Variants in TRPM8 observed in about 807,000 individuals in gnomAD.
TRPM8 encodes TRPM8 cationic channel.
TRPM8 carries 110 observed loss-of-function variants against 133.7 expected under a neutral mutation model. The ratio of observed to expected loss-of-function variants is 0.82; its 90% CI spans 0.70 to 0.96. TRPM8 has a LOEUF of 0.96. Among genes scored for constraint, TRPM8 ranks in the 40% least tolerant of loss-of-function variants. TRPM8 has a pLI of 0.00. For synonymous variants in TRPM8, 535 were observed against 532.3 expected (o/e 1.01, Z -0.07); for missense variants, 1,291 against 1,379.5 (o/e 0.94, Z 1.02).
At chr2:233,956,453 A>G (rs1691295949) in intron 11 of TRPM8, among the ~76,000 whole-genome samples, 1 of 152,214 alleles carries the variant, frequency 6.6e-6, no homozygotes, top group Non-Finnish European at 1.5e-5. Context: ...AGCCTTGTTC[A>G]ATGAAAATTA....
intron 9 of TRPM8, among the ~76,000 whole-genome samples, chr2:233,952,975 T>A (rs893484540): frequency 6.6e-6 from 1 of 152,160 alleles, no homozygotes; most frequent in Non-Finnish European, 1.5e-5. Flanking sequence ...GAACAAAGGC[T>A]GCAGACAGAT....
chr2:234,015,144 T>C (rs1344997314), intron 25 of TRPM8, among the ~76,000 whole-genome samples: 2 of 152,330 alleles, frequency 1.3e-5, no homozygotes, highest in East Asian at 3.9e-4. Flanking sequence ...TGGTGAGGCA[T>C]TCAAGGTTTT....
intron 22 of TRPM8, among the ~76,000 whole-genome samples, chr2:234,000,084 A>ATTATTTAT (rs1553669200): frequency 2.1e-5 from 2 of 95,650 alleles, no homozygotes; most frequent in South Asian, 4.0e-4. Context: ...ATCAATGTGG[A>ATTATTTAT]TGATTTATTT....
Position 233,980,196 on chromosome 2 carries a change from A to C in TRPM8, c.2364A>C (p.Val788=). Residue 788 remains valine (V), a synonymous_variant, in exon 18 of 26, where the codon GTA becomes GTC. Coordinates refer to ENST00000324695, the MANE Select transcript of TRPM8 (RefSeq NM_024080.5). ...LFCDEVRQWY[V]NGVNYFTDLW... is the part of the protein sequence containing the mutation. The stretch of plus-strand genomic sequence containing the variant: ...TCCCTTTCTGTACGCAGTGGTACGT[A>C]AATGGGGTGAATTATTTTACTGACC... The C allele has an allele frequency of 6.2e-7, 1 of 1,601,614 alleles. No homozygotes were observed. The highest frequency in any genetic ancestry group is 8.5e-7 in the Non-Finnish European group (1 of 1,174,578).
rs200774430 is a variant in TRPM8 at position 233,939,099 on chromosome 2, G to A, written c.450G>A (p.Gly150=). The change falls in exon 5 of 26, where the codon GGG becomes GGA. Residue 150 remains glycine, a synonymous_variant. Transcript: ENST00000324695. ...CCAACCTGGTCATTTCTGTGACCGGGGGCGCCAAGAACTTCGCCCTGAAGC... is the reference window on the plus strand; with the variant it reads ...CCAACCTGGTCATTTCTGTGACCGGAGGCGCCAAGAACTTCGCCCTGAAGC... ...KTPNLVISVT[G]GAKNFALKPR... The A allele has an allele frequency of 1.9e-6, 3 of 1,614,128 alleles. No individual in the cohort carries two copies. The highest frequency in any genetic ancestry group is 2.5e-6 in the Non-Finnish European group (3 of 1,180,034).
chr2:233,988,609 C>T (rs952530472), intron 21 of TRPM8, among the ~76,000 whole-genome samples: 34 of 152,166 alleles, frequency 2.2e-4, no homozygotes, highest in African/African-American at 8.0e-4. Flanking sequence ...AGAGAATCAT[C>T]ATGTAAAGGT....
chr2:233,963,696 C>T (rs529765100), intron 13 of TRPM8, among the ~76,000 whole-genome samples: 9 of 152,248 alleles, frequency 5.9e-5, no homozygotes, highest in South Asian at 2.1e-4. Flanking sequence ...GCATTATGGA[C>T]GGGAGGTAGG....
intron 20 of TRPM8, among the ~76,000 whole-genome samples, chr2:233,984,914 T>A (rs1692107254): frequency 6.6e-6 from 1 of 152,062 alleles, no homozygotes; most frequent in Non-Finnish European, 1.5e-5. Context: ...TGAAACCCTG[T>A]CTCTACTAAA....
Position 233,953,733 on chromosome 2 carries a change from A to G in TRPM8, c.1141-184A>G, listed in dbSNP as rs1290720378. 1.3e-5 allele frequency: 6 copies of G among 458,992 alleles called. No homozygotes were observed. The Admixed American group carries it at 2.3e-4, about 17-fold the overall frequency. 28.4% of individuals were successfully genotyped at this position (458,992 alleles called of 1,614,324 possible). ...AGCTTTTTGATAGGGGCTTTTTGAT[A>G]CGTGTATAACCAATACTTTATTCTC... On this transcript the variant is annotated intron_variant, in intron 9 of 25. Coordinates refer to ENST00000324695, the MANE Select transcript of TRPM8 (RefSeq NM_024080.5).
intron 12 of TRPM8, among the ~76,000 whole-genome samples, chr2:233,961,880 T>G (rs1216265528): frequency 6.6e-6 from 1 of 152,210 alleles, no homozygotes; most frequent in South Asian, 2.1e-4. Flanking sequence ...TTTGCCTGCC[T>G]CGGCCTCCCA....
chr2:233,955,886 G>A lies in TRPM8; in HGVS notation c.1362+636G>A, dbSNP rs571228008. Reference sequence around the variant, plus strand: ...ACCGCCTGAGCTCCGCCTTCAGTCCGATCAGTGGCGGTATTCGATTCCTAT... The same window carrying A: ...ACCGCCTGAGCTCCGCCTTCAGTCCAATCAGTGGCGGTATTCGATTCCTAT... On this transcript the variant is annotated intron_variant, in intron 11 of 25. Coordinates refer to ENST00000324695, the MANE Select transcript of TRPM8 (RefSeq NM_024080.5). Among the ~76,000 whole-genome samples, 7 of 152,288 alleles carry A rather than the reference G, an allele frequency of 4.6e-5. No individual in the cohort carries two copies. In the South Asian group the frequency reaches 8.3e-4, roughly 18 times the overall value.
chr2:233,957,329 C>A (rs6706861), intron 11 of TRPM8, among the ~76,000 whole-genome samples: 35,410 of 149,262 alleles, frequency 0.24, 6,222 homozygotes, highest in African/African-American at 0.47. Flanking sequence ...CTGCCCCCCC[C>A]AAAAAAAAAA....
intron 20 of TRPM8, 93 bp downstream of exon 20, chr2:233,983,317 A>G (rs534950081): frequency 7.0e-7 from 1 of 1,433,700 alleles, no homozygotes; most frequent in South Asian, 1.2e-5. Context: ...CGCACTTCAG[A>G]AGCACGCGCG....
intron 8 of TRPM8, among the ~76,000 whole-genome samples, chr2:233,949,448 G>T (rs1418356849): frequency 6.6e-6 from 1 of 152,148 alleles, no homozygotes; most frequent in Non-Finnish European, 1.5e-5. Context: ...TTAATAACAG[G>T]AGCAGGGGAA....
intron 12 of TRPM8, among the ~76,000 whole-genome samples, chr2:233,961,866 G>T (rs1691447842): frequency 6.6e-6 from 1 of 152,096 alleles, no homozygotes; most frequent in African/African-American, 2.4e-5. Context: ...CTGACCTCAG[G>T]TGATTTGCCT....
In TRPM8 at chr2:233,996,256, A is replaced by AAT. The variant is rs1692398472; in HGVS notation, c.2940-70_2940-69insAT. On this transcript the variant is annotated intron_variant, in intron 21 of 25. Coordinates refer to ENST00000324695, the MANE Select transcript of TRPM8 (RefSeq NM_024080.5). ...GCAGTAATAGCTTAATACCACTATT[A>AAT]CCATACTAGGCAGTTTAGCGATGAG... The AAT allele has an allele frequency of 7.8e-6, 11 of 1,407,370 alleles. No homozygotes were observed. The South Asian group carries it at 1.4e-4, about 18-fold the overall frequency. 87.2% of individuals were successfully genotyped at this position (1,407,370 alleles called of 1,614,324 possible).
chr2:233,955,408 G>T, intron 11 of TRPM8, 158 bp downstream of exon 11: 2 of 581,488 alleles, frequency 3.4e-6, no homozygotes, highest in South Asian at 2.3e-5. Context: ...TTCCTTGTTT[G>T]CAGCATGGAA....
intron 17 of TRPM8, among the ~76,000 whole-genome samples, chr2:233,976,438 C>T (rs1574750450): frequency 2.0e-5 from 3 of 152,114 alleles, no homozygotes; most frequent in African/African-American, 7.2e-5. Flanking sequence ...TGTTTTTGCT[C>T]AGGGAGGACA....
At chr2:233,953,817 C>A in intron 9 of TRPM8, 100 bp from the exon 10 acceptor site, 1 of 782,376 alleles carries the variant, frequency 1.3e-6, no homozygotes, top group Non-Finnish European at 2.1e-6. Context: ...AACTCCACTA[C>A]AGGTGGTCTT....
Sources: allele counts gnomAD v4.1 joint callset (sites outside exome capture counted in the v4.1 genomes callset), GRCh38; gene constraint gnomAD v4.1.1; transcripts MANE v1.5; gene names NCBI Gene and HGNC (gene_info 2026-07-23, HGNC 2026-07-21).